The following CIB4 variants were observed in gnomAD, a reference collection of about 807,000 sequenced individuals.
CIB4 encodes calcium and integrin binding family member 4.
CIB4 carries 25 observed loss-of-function variants against 25.8 expected under a neutral mutation model. The ratio of observed to expected loss-of-function variants is 0.97; its 90% CI spans 0.71 to 1.35. The LOEUF is 1.35. Among genes scored for constraint, CIB4 ranks in the 40% most tolerant of loss-of-function variants. The pLI is 0.00. For synonymous variants in CIB4, 75 were observed against 81.4 expected, an observed-to-expected ratio of 0.92 and a Z score of 0.42; for missense variants, 235 against 228.2, an observed-to-expected ratio of 1.03 and a Z score of -0.19.
chr2:26,592,780 G>T (rs1444539692), intron 4 of CIB4, among the ~76,000 whole-genome samples: 2 of 152,064 alleles, frequency 1.3e-5, no homozygotes, highest in Non-Finnish European at 2.9e-5. Flanking sequence ...TTATTTTTCA[G>T]TTCTATATTT....
chr2:26,598,334 T>C (rs1416648206), intron 3 of CIB4, among the ~76,000 whole-genome samples: 3 of 149,470 alleles, frequency 2.0e-5, no homozygotes, highest in African/African-American at 7.4e-5. Context: ...AGAATCTAGA[T>C]TGAAGTTAAA....
intron 3 of CIB4, among the ~76,000 whole-genome samples, chr2:26,613,409 C>T (rs1329054249): frequency 6.6e-6 from 1 of 152,180 alleles, no homozygotes; most frequent in Non-Finnish European, 1.5e-5. Flanking sequence ...TCCCTCTAAG[C>T]CCCTGGTGTG....
intron 3 of CIB4, among the ~76,000 whole-genome samples, chr2:26,601,229 AAAATATATATATATATATATATATATAT>A (rs1668780398): frequency 3.9e-5 from 1 of 25,366 alleles, no homozygotes; most frequent in Non-Finnish European, 1.1e-4. Flanking sequence ...AAAAAAAAAA[AAAATATATATATATATATATATATATAT>A]ATATATATAT....
chr2:26,604,106 A>G (rs1334128841), intron 3 of CIB4, among the ~76,000 whole-genome samples: 1 of 151,168 alleles, frequency 6.6e-6, no homozygotes, highest in Non-Finnish European at 1.5e-5. Context: ...AGAGCTGGAC[A>G]TGGTGGTTCA....
chr2:26,582,781 C>T (rs1668371689), intron 6 of CIB4, 44 bp downstream of exon 6: 1 of 1,279,712 alleles, frequency 7.8e-7, no homozygotes, highest in African/African-American at 1.5e-5. Flanking sequence ...CTTCCTGCCC[C>T]CACCACTCTC....
At chr2:26,595,077 G>T in intron 4 of CIB4, 99 bp downstream of exon 4, 1 of 1,228,000 alleles carries the variant, frequency 8.1e-7, no homozygotes, top group Non-Finnish European at 1.2e-6. Flanking sequence ...GCACACCCCA[G>T]TTAATGCCAT....
chr2:26,590,540 C>T (rs6547136), intron 4 of CIB4, among the ~76,000 whole-genome samples: 2,820 of 152,182 alleles, frequency 0.019, 91 homozygotes, highest in African/African-American at 0.064. Context: ...TGACAGTTAC[C>T]ATGCCCGCCT....
At chr2:26,640,067 C>T (rs975983929) in intron 2 of CIB4, among the ~76,000 whole-genome samples, 4 of 137,032 alleles carry the variant, frequency 2.9e-5, no homozygotes, top group South Asian at 2.6e-4. Flanking sequence ...AGGGCCTCCA[C>T]GAGGCCAGCA....
chr2:26,624,333 C>T (rs1669259424), intron 3 of CIB4, among the ~76,000 whole-genome samples: 1 of 152,188 alleles, frequency 6.6e-6, no homozygotes, highest in South Asian at 2.1e-4. Context: ...CAGCCGGGCC[C>T]CCACCTCCCA....
intron 4 of CIB4, among the ~76,000 whole-genome samples, chr2:26,590,278 A>C (rs1020924681): frequency 3.3e-5 from 5 of 151,468 alleles, no homozygotes; most frequent in African/African-American, 9.7e-5. Context: ...AAAAAAAAAA[A>C]AAAAAACTCA....
intron 3 of CIB4, among the ~76,000 whole-genome samples, chr2:26,628,772 G>A (rs952742546): frequency 6.6e-6 from 1 of 152,222 alleles, no homozygotes; most frequent in Non-Finnish European, 1.5e-5. Context: ...AAAATTCTCA[G>A]TCCCTCTAGA....
At chr2:26,637,032 T>C (rs1342699317) in intron 2 of CIB4, among the ~76,000 whole-genome samples, 2 of 152,188 alleles carry the variant, frequency 1.3e-5, no homozygotes, top group African/African-American at 4.8e-5. Flanking sequence ...TCTAAAATGC[T>C]GACCAGAAGC....
At chr2:26,618,962 G>A (rs1325447917) in intron 3 of CIB4, among the ~76,000 whole-genome samples, 9 of 152,194 alleles carry the variant, frequency 5.9e-5, no homozygotes, top group Non-Finnish European at 8.8e-5. Flanking sequence ...GGGCACTTGG[G>A]TCAATAATCT....
At chr2:26,588,999 C>T (rs1345632532) in intron 4 of CIB4, among the ~76,000 whole-genome samples, 17 of 10,644 alleles carry the variant, frequency 1.6e-3, no homozygotes, top group Non-Finnish European at 2.4e-3. Context: ...TCTTCTTCTT[C>T]TTCTTCTTCT....
chr2:26,595,364 C>T (rs1427630646), intron 3 of CIB4, 47 bp from the exon 4 acceptor site: 1 of 1,587,220 alleles, frequency 6.3e-7, no homozygotes, highest in East Asian at 2.3e-5. Context: ...AGGGTCGGGG[C>T]TGTGTCTCCC....
chr2:26,638,788 A>G (rs796803308), intron 2 of CIB4, among the ~76,000 whole-genome samples: 1 of 152,230 alleles, frequency 6.6e-6, no homozygotes, highest in South Asian at 2.1e-4. Context: ...CCCTATCTCT[A>G]CAGAAATACA....
intron 3 of CIB4, among the ~76,000 whole-genome samples, chr2:26,626,969 A>G (rs1204169088): frequency 1.3e-5 from 2 of 152,100 alleles, no homozygotes; most frequent in Non-Finnish European, 2.9e-5. Context: ...TGGTTTATAG[A>G]TGGGGGGATA....
intron 2 of CIB4, among the ~76,000 whole-genome samples, chr2:26,629,798 G>A (rs1042513308): frequency 2.6e-5 from 4 of 152,190 alleles, no homozygotes; most frequent in Non-Finnish European, 5.9e-5. Context: ...GCCCTGTAGC[G>A]AGCAGCACAC....
chr2:26,641,293 G>T lies in CIB4; in HGVS notation c.22C>A (p.Gln8Lys). Residue 8 changes from glutamine (Q) to lysine (K), a missense_variant, in exon 1 of 7, where the codon CAG becomes AAG. Gln to Lys is a moderately conservative substitution (Grantham distance 53). Transcript: ENST00000288861. Reference sequence around the variant, plus strand: ...TCTTCCAGGTCCTCCCAGTGCATCTGATACCTCAAGCATTGCCCCATGCCA... The same window carrying T: ...TCTTCCAGGTCCTCCCAGTGCATCTTATACCTCAAGCATTGCCCCATGCCA... MGQCLRY[Q>K]MHWEDLEEYQ... is the part of the protein sequence containing the mutation. 1 of 1,613,718 alleles carries T rather than the reference G, an allele frequency of 6.2e-7. No homozygotes were observed. Among genetic ancestry groups the T allele is most frequent in the South Asian group, 1.1e-5 (1 of 91,080 alleles).
Sources: allele counts gnomAD v4.1 joint callset (sites outside exome capture counted in the v4.1 genomes callset), GRCh38; gene constraint gnomAD v4.1.1; transcripts MANE v1.5; gene names NCBI Gene and HGNC (gene_info 2026-07-23, HGNC 2026-07-21).